PTPN1: variants seen among roughly 807,000 people sequenced by gnomAD.
PTPN1 encodes the protein protein tyrosine phosphatase non-receptor type 1.
PTPN1 carries 12 observed loss-of-function variants against 59.9 expected under a neutral mutation model. The observed-to-expected ratio is 0.20, with a 90% CI of 0.13 to 0.32. The LOEUF (loss-of-function observed/expected upper bound fraction) is 0.32. Among genes scored for constraint, PTPN1 ranks in the 10% least tolerant of loss-of-function variants. The pLI is 1.00. For missense variants in PTPN1, 356 were observed against 549.2 expected (o/e 0.65, Z 3.52); for synonymous variants, 178 against 203.6 (o/e 0.87, Z 1.07).
intron 1 of PTPN1, among the ~76,000 whole-genome samples, chr20:50,523,397 T>A (rs1170468126): frequency 2.6e-5 from 4 of 152,206 alleles, no homozygotes; most frequent in African/African-American, 9.7e-5. Flanking sequence ...GCTCAGTGTT[T>A]TAGCACTCCG....
intron 1 of PTPN1, among the ~76,000 whole-genome samples, chr20:50,530,937 C>T (rs1287121490): frequency 1.3e-5 from 2 of 152,082 alleles, no homozygotes; most frequent in South Asian, 2.1e-4. Flanking sequence ...CTCTTGGGCT[C>T]AAGCAGTCCT....
chr20:50,517,737 C>T (rs902302394), intron 1 of PTPN1, among the ~76,000 whole-genome samples: 2 of 152,154 alleles, frequency 1.3e-5, no homozygotes, highest in East Asian at 1.9e-4. Context: ...TTAAGGTCTG[C>T]ATTTTCTCTG....
At chr20:50,578,660 G>A (rs182861593) in intron 6 of PTPN1, 31 bp downstream of exon 6, 41 of 1,585,838 alleles carry the variant, frequency 2.6e-5, no homozygotes, top group Non-Finnish European at 3.3e-5. Context: ...GCCCTGGGGA[G>A]CTCCTCTACC....
chr20:50,579,411 C>A, intron 7 of PTPN1, 82 bp downstream of exon 7: 1 of 1,453,610 alleles, frequency 6.9e-7, no homozygotes. Context: ...TGTAAAAGTT[C>A]AAACACCGTC....
At chr20:50,526,899 T>C (rs1335843933) in intron 1 of PTPN1, among the ~76,000 whole-genome samples, 1 of 151,984 alleles carries the variant, frequency 6.6e-6, no homozygotes, top group Non-Finnish European at 1.5e-5. Context: ...TAAGCGCTGC[T>C]GGAAAAAAAA....
chr20:50,561,644 G>A (rs1279139255), intron 2 of PTPN1, among the ~76,000 whole-genome samples, 191 bp downstream of exon 2: 1 of 152,164 alleles, frequency 6.6e-6, no homozygotes, highest in Non-Finnish European at 1.5e-5. Context: ...ATTATAGAAG[G>A]GCTCAGGTTT....
intron 1 of PTPN1, among the ~76,000 whole-genome samples, chr20:50,543,471 C>A (rs998177800): frequency 6.6e-6 from 1 of 152,212 alleles, no homozygotes; most frequent in Non-Finnish European, 1.5e-5. Flanking sequence ...GTGATGTGTT[C>A]ATTCTGAAAT....
At chr20:50,542,662 A>G (rs1221668343) in intron 1 of PTPN1, among the ~76,000 whole-genome samples, 1 of 152,144 alleles carries the variant, frequency 6.6e-6, no homozygotes, top group African/African-American at 2.4e-5. Context: ...AGGTATATGG[A>G]TTTTGGTTCC....
intron 2 of PTPN1, among the ~76,000 whole-genome samples, chr20:50,563,470 T>C (rs1448702908): frequency 1.3e-5 from 2 of 152,208 alleles, no homozygotes; most frequent in Non-Finnish European, 2.9e-5. Flanking sequence ...GGTGAGTTGT[T>C]TGCCCAGAGT....
In PTPN1 at chr20:50,518,730, T is replaced by C. The variant is rs570033375; in HGVS notation, c.63+8140T>C. On this transcript the variant is annotated intron_variant, in intron 1 of 9. Transcript: ENST00000371621. ...GAGCATTACTCTTATTGTTCTCTAC[T>C]ACCTGGACGCCACCTCCCTGTTGCC... is the stretch of plus-strand genomic sequence containing the variant. 2.0e-5 allele frequency among the ~76,000 whole-genome samples: 3 copies of C among 152,328 alleles called. No individual in the cohort carries two copies. In the East Asian group the frequency reaches 5.8e-4, roughly 29 times the overall value.
Position 50,568,809 on chromosome 20 carries a change from T to A in PTPN1, c.354+331T>A, listed in dbSNP as rs1406013824. Among the ~76,000 whole-genome samples the A allele has an allele frequency of 6.6e-6, 1 of 152,120 alleles. No individual in the cohort carries two copies. The highest frequency in any genetic ancestry group is 1.5e-5 in the Non-Finnish European group (1 of 68,004). ...GTGTGTGGAGTTATGGAGACCTGCTTTTATCTTGAAAAGCAAGTTCTTAGT... is the reference window on the plus strand; with the variant it reads ...GTGTGTGGAGTTATGGAGACCTGCTATTATCTTGAAAAGCAAGTTCTTAGT... On this transcript the variant is annotated intron_variant, in intron 4 of 9. Coordinates refer to ENST00000371621, the MANE Select transcript of PTPN1 (RefSeq NM_002827.4). The surrounding 1 kb of genome is among the most constrained non-coding windows in gnomAD (Gnocchi z 5.6).
intron 1 of PTPN1, among the ~76,000 whole-genome samples, chr20:50,533,013 C>T (rs2082608061): frequency 6.6e-6 from 1 of 151,702 alleles, no homozygotes; most frequent in African/African-American, 2.4e-5. Context: ...CTGTTTTGTT[C>T]CTCTAATATC....
At chr20:50,566,334 G>A (rs1400325657) in intron 3 of PTPN1, among the ~76,000 whole-genome samples, 3 of 152,162 alleles carry the variant, frequency 2.0e-5, no homozygotes, top group Non-Finnish European at 4.4e-5. Flanking sequence ...TTAAATACCT[G>A]TTGTCGGGTG....
chr20:50,567,235 T>A (rs2082783365), intron 3 of PTPN1, among the ~76,000 whole-genome samples: 1 of 152,202 alleles, frequency 6.6e-6, no homozygotes, highest in Non-Finnish European at 1.5e-5. Context: ...GAGGCCAGCC[T>A]GGCCAACATG....
chr20:50,555,168 CT>C (rs1263787469), intron 1 of PTPN1, among the ~76,000 whole-genome samples: 2 of 152,126 alleles, frequency 1.3e-5, no homozygotes, highest in African/African-American at 4.8e-5. Flanking sequence ...AAATGAAAAG[CT>C]GGTTCTTTGT....
In PTPN1 at chr20:50,568,328, T is replaced by C; in HGVS notation, c.256-52T>C. 1 of 1,512,474 alleles carries C rather than the reference T, an allele frequency of 6.6e-7. No individual in the cohort carries two copies. 93.7% of individuals were successfully genotyped at this position (1,512,474 alleles called of 1,614,324 possible). A position where few individuals can be genotyped will look rare whatever the true frequency, so the allele number is the denominator to read the frequency against. On this transcript the variant is annotated intron_variant, in intron 3 of 9. Transcript: ENST00000371621. This position sits in a 1 kb window ranked among gnomAD's most constrained non-coding sequence, Gnocchi z 5.6. ...CTGACTGCAGAAGGTGAGCACACGC[T>C]GTAGCATGTTATGTTTCAGATGTCA... is the stretch of plus-strand genomic sequence containing the variant.
Position 50,574,617 on chromosome 20 carries a change from A to G in PTPN1, c.455A>G (p.Tyr152Cys). The G allele has an allele frequency of 1.2e-6, 2 of 1,607,688 alleles. No homozygotes were observed. Among genetic ancestry groups the G allele is most frequent in the Non-Finnish European group, 8.5e-7 (1 of 1,178,064 alleles). ...TTGATCTCTGAAGATATCAAGTCAT[A>G]TTATACAGTGCGACAGCTAGAATTG... is the stretch of plus-strand genomic sequence containing the variant. ...LTLISEDIKS[Y>C]YTVRQLELEN... is the part of the protein sequence containing the mutation. The change falls in exon 5 of 10, where the codon TAT (tyrosine) becomes TGT (cysteine). Residue 152 changes from tyrosine (Y) to cysteine (C), a missense_variant. By Grantham distance (194) the Tyr-to-Cys change is radical (BLOSUM62 -2). Coordinates refer to ENST00000371621, the MANE Select transcript of PTPN1 (RefSeq NM_002827.4).
At chr20:50,530,531 G>A (rs1451577564) in intron 1 of PTPN1, among the ~76,000 whole-genome samples, 1 of 150,226 alleles carries the variant, frequency 6.7e-6, no homozygotes, top group Non-Finnish European at 1.5e-5. Context: ...GCTAATTTTT[G>A]TATTTTTAGT....
At position 50,510,424 on chromosome 20, in the gene PTPN1, G is replaced by A; in HGVS notation, c.-104G>A. 4.6e-6 allele frequency: 6 copies of A among 1,299,516 alleles called. No individual in the cohort carries two copies. The South Asian group carries it at 6.6e-5, about 14-fold the overall frequency. 80.5% of individuals were successfully genotyped at this position (1,299,516 alleles called of 1,614,324 possible). A position where few individuals can be genotyped will look rare whatever the true frequency, so the allele number is the denominator to read the frequency against. Reference sequence around the variant, plus strand: ...GGCTAGGGCGGCGGTAGCTGCAGGGGTCGGGGATTGCAGCGGGCCTCGGGG... The same window carrying A: ...GGCTAGGGCGGCGGTAGCTGCAGGGATCGGGGATTGCAGCGGGCCTCGGGG... On this transcript the variant is annotated 5_prime_UTR_variant, in exon 1 of 10. Transcript: ENST00000371621.
Sources: gnomAD v4.1 joint callset for allele counts (sites outside exome capture counted in the v4.1 genomes callset) on GRCh38, gnomAD v4.1.1 for gene constraint, Gnocchi (gnomAD v3.1) non-coding constraint, MANE v1.5 for transcripts, NCBI Gene and HGNC (gene_info 2026-07-23, HGNC 2026-07-21) for gene names.